The following POLR1C variants were observed in gnomAD, a reference collection of about 807,000 sequenced individuals.
The protein encoded by POLR1C is RNA polymerase I and III subunit C.
In POLR1C, 42 loss-of-function variants were observed where a neutral mutation model predicts 38.3. The ratio of observed to expected loss-of-function variants is 1.10; its 90% CI spans 0.86 to 1.42. POLR1C has a LOEUF of 1.42. Ranked by LOEUF, POLR1C falls within the 40% of genes most tolerant of loss-of-function variation. POLR1C has a pLI of 0.00. For synonymous variants in POLR1C, 163 were observed against 163.9 expected, an observed-to-expected ratio of 0.99 and a Z score of 0.04; for missense variants, 507 against 450.5, an observed-to-expected ratio of 1.13 and a Z score of -1.14.
intron 9 of POLR1C, among the ~76,000 whole-genome samples, chr6:43,547,882 C>T (rs1795038333): frequency 6.6e-6 from 1 of 152,154 alleles, no homozygotes; most frequent in Admixed American, 6.6e-5. Flanking sequence ...TCCCTTCCCA[C>T]TCCCAAATAT....
intron 2 of POLR1C, 148 bp downstream of exon 2, chr6:43,517,525 A>G: frequency 1.4e-6 from 1 of 709,286 alleles, no homozygotes. Flanking sequence ...TTTACAGGCC[A>G]AATTAGACAC....
At chr6:43,538,291 A>T (rs2127717562) in intron 9 of POLR1C, among the ~76,000 whole-genome samples, 1 of 151,660 alleles carries the variant, frequency 6.6e-6, no homozygotes, top group African/African-American at 2.4e-5. Context: ...CTGAGACTAC[A>T]GGTGCGCACC....
intron 8 of POLR1C, 64 bp from the exon 9 acceptor site, chr6:43,521,118 G>A: frequency 6.2e-7 from 1 of 1,603,632 alleles, no homozygotes. Context: ...GTCTAGATGT[G>A]AAGTTTATGA....
downstream of POLR1C, chr6:43,533,893 G>A: frequency 6.3e-7 from 1 of 1,576,868 alleles, no homozygotes. Flanking sequence ...GAGAAAAAAG[G>A]TTACATTTCT....
At chr6:43,534,159 C>T (rs1184656336), downstream of POLR1C, among the ~76,000 whole-genome samples, 2 of 152,156 alleles carry the variant, frequency 1.3e-5, no homozygotes, top group African/African-American at 4.8e-5. Flanking sequence ...TATCTGAATG[C>T]TCGCTGGAGG....
intron 10 of POLR1C, chr6:43,555,609 A>G (rs1167630926): frequency 2.8e-6 from 1 of 360,616 alleles, no homozygotes; most frequent in Non-Finnish European, 4.8e-6. Context: ...ATGATGGCAA[A>G]ACTGATAAGG....
chr6:43,525,964 CAG>C (rs1374174257), downstream of POLR1C: 1 of 1,605,900 alleles, frequency 6.2e-7, no homozygotes, highest in Non-Finnish European at 8.5e-7. Context: ...CCTTTCAGAA[CAG>C]AGAAGAATAT....
downstream of POLR1C, chr6:43,523,645 T>C (rs550613202): frequency 2.5e-6 from 2 of 806,170 alleles, no homozygotes; most frequent in South Asian, 1.3e-5. Context: ...ATCTGGGACA[T>C]CTAGACAGAA....
intron 9 of POLR1C, chr6:43,550,888 C>A (rs2127732250): frequency 6.5e-6 from 1 of 153,958 alleles, no homozygotes; most frequent in Non-Finnish European, 1.4e-5. Context: ...CGACAGCACA[C>A]TCTAATACTC....
intron 10 of POLR1C, chr6:43,560,203 C>G: frequency 6.2e-7 from 1 of 1,612,192 alleles, no homozygotes; most frequent in Non-Finnish European, 8.5e-7. Flanking sequence ...CATGGAAGCA[C>G]GAAGATATTT....
downstream of POLR1C, chr6:43,526,110 AAGCTGTACATGAGGGAAATGGG>A (rs1253686744): frequency 1.7e-6 from 1 of 593,888 alleles, no homozygotes; most frequent in Admixed American, 3.1e-5. Context: ...AGATGCACTC[AAGCTGTACATGAGGGAAATGGG>A]AGCTTCTAGG....
At chr6:43,546,793 A>G in intron 9 of POLR1C, 1 of 1,478,860 alleles carries the variant, frequency 6.8e-7, no homozygotes, top group Non-Finnish European at 9.0e-7. Flanking sequence ...TTAAAAGGAA[A>G]AAAAAAAAAA....
downstream of POLR1C, chr6:43,522,831 G>A (rs1793281039): frequency 6.3e-6 from 2 of 315,968 alleles, no homozygotes; most frequent in South Asian, 4.8e-5. Context: ...GCCAGGTCCC[G>A]TATCCATGTC....
chr6:43,543,313 C>T (rs901208239), intron 9 of POLR1C, among the ~76,000 whole-genome samples: 1 of 152,056 alleles, frequency 6.6e-6, no homozygotes, highest in Non-Finnish European at 1.5e-5. Context: ...ATTAGCTGGG[C>T]ATGGCTGCTC....
intron 9 of POLR1C, chr6:43,547,740 C>A: frequency 6.3e-7 from 1 of 1,593,242 alleles, no homozygotes; most frequent in South Asian, 1.1e-5. Context: ...CAAGTTACAT[C>A]ATGACTTTAA....
At chr6:43,549,412 G>A (rs1426472491) in intron 9 of POLR1C, 1 of 1,396,680 alleles carries the variant, frequency 7.2e-7, no homozygotes, top group Non-Finnish European at 9.7e-7. Context: ...TTTTCTTTAT[G>A]TGAGGTACAC....
chr6:43,559,264 T>C (rs1762276341), intron 10 of POLR1C, among the ~76,000 whole-genome samples: 1 of 152,148 alleles, frequency 6.6e-6, no homozygotes, highest in Admixed American at 6.5e-5. Flanking sequence ...GCCACTGCAC[T>C]CCAGCCTCGG....
rs1793180943 is a variant in POLR1C at position 43,521,391 on chromosome 6, A to T, written c.*91A>T. The T allele has an allele frequency of 6.9e-6, 11 of 1,601,850 alleles. No individual in the cohort carries two copies. Among genetic ancestry groups the T allele is most frequent in the Non-Finnish European group, 9.4e-6 (11 of 1,175,226 alleles). On this transcript the variant is annotated 3_prime_UTR_variant, in exon 9 of 9. Coordinates refer to ENST00000642195, the MANE Select transcript of POLR1C (RefSeq NM_203290.4). ...AACAGAGAGCCCAGTGTGACTAGGG[A>T]TCCTGAGTTTTCTGGGACAATTCCA...
At chr6:43,551,484 T>C (rs775877358) in intron 10 of POLR1C, 8 of 1,605,232 alleles carry the variant, frequency 5.0e-6, no homozygotes, top group Non-Finnish European at 6.8e-6. Context: ...AGGTTGACAA[T>C]GGCTGCCTCC....
Sources: gnomAD v4.1 joint callset for allele counts (sites outside exome capture counted in the v4.1 genomes callset) on GRCh38, gnomAD v4.1.1 for gene constraint, MANE v1.5 for transcripts, NCBI Gene and HGNC (gene_info 2026-07-23, HGNC 2026-07-21) for gene names.